Variants in DPYD observed in about 807,000 individuals in gnomAD.
DPYD encodes the protein dihydropyrimidine dehydrogenase [NADP(+)].
In DPYD, 109 loss-of-function variants were observed where a neutral mutation model predicts 116.2. The ratio of observed to expected loss-of-function variants is 0.94; its 90% CI spans 0.80 to 1.10. The LOEUF is 1.10. DPYD is among the 50% of genes least tolerant of loss of function. The probability of loss-of-function intolerance (pLI) is 0.00; values close to 1 mark genes in which losing one functional copy is unlikely to be tolerated. For synonymous variants in DPYD, 440 were observed against 432.0 expected, an observed-to-expected ratio of 1.02 and a Z score of -0.23; for missense variants, 1,302 against 1,254.5, an observed-to-expected ratio of 1.04 and a Z score of -0.57.
At chr1:97,903,502 T>C (rs1234008039) in intron 1 of DPYD, among the ~76,000 whole-genome samples, 1 of 151,888 alleles carries the variant, frequency 6.6e-6, no homozygotes, top group Non-Finnish European at 1.5e-5. Flanking sequence ...GGTCAAAACA[T>C]GTTGGTCTAG....
intron 14 of DPYD, among the ~76,000 whole-genome samples, chr1:97,424,397 T>C (rs1251890516): frequency 6.6e-6 from 1 of 151,894 alleles, no homozygotes; most frequent in Non-Finnish European, 1.5e-5. Flanking sequence ...GTGGTCAGAA[T>C]ACTACTGGGA....
intron 3 of DPYD, among the ~76,000 whole-genome samples, chr1:97,777,221 A>T (rs1269540068): frequency 6.6e-6 from 1 of 152,198 alleles, no homozygotes; most frequent in East Asian, 1.9e-4. Flanking sequence ...CTTTTAAAAA[A>T]TTAATATACT....
chr1:97,388,372 G>T (rs772971236), intron 14 of DPYD, among the ~76,000 whole-genome samples: 1 of 151,982 alleles, frequency 6.6e-6, no homozygotes, highest in African/African-American at 2.4e-5. Flanking sequence ...AAGTTTTAGA[G>T]ACTTCAAAAT....
chr1:97,346,894 G>A (rs941911806), intron 16 of DPYD, among the ~76,000 whole-genome samples: 1 of 151,786 alleles, frequency 6.6e-6, no homozygotes, highest in South Asian at 2.1e-4. Context: ...TATATGTTAA[G>A]TGCTTAGAAC....
intron 14 of DPYD, among the ~76,000 whole-genome samples, chr1:97,385,533 A>C (rs960462390): frequency 1.3e-5 from 2 of 150,106 alleles, no homozygotes; most frequent in Non-Finnish European, 3.0e-5. Context: ...CTTAAAAAAA[A>C]AAAAACAAAA....
intron 20 of DPYD, among the ~76,000 whole-genome samples, chr1:97,151,885 G>T (rs749041534): frequency 2.0e-4 from 30 of 151,990 alleles, no homozygotes; most frequent in Non-Finnish European, 3.7e-4. Context: ...TTCCATAGAA[G>T]AATTTAAAAA....
chr1:97,098,775 T>G, intron 20 of DPYD, 143 bp from the exon 21 acceptor site: 1 of 942,716 alleles, frequency 1.1e-6, no homozygotes, highest in Non-Finnish European at 1.6e-6. Flanking sequence ...CTTCACTCAT[T>G]GTTTTGGACC....
intron 1 of DPYD, among the ~76,000 whole-genome samples, chr1:97,920,590 C>G (rs1258320896): frequency 2.6e-5 from 4 of 152,196 alleles, no homozygotes; most frequent in Non-Finnish European, 4.4e-5. Context: ...TCTTCAGTCA[C>G]TGACATTCAG....
intron 21 of DPYD, among the ~76,000 whole-genome samples, chr1:97,094,131 C>T (rs529367000): frequency 6.6e-6 from 1 of 152,132 alleles, no homozygotes; most frequent in South Asian, 2.1e-4. Flanking sequence ...TTCATTCATT[C>T]CTCAAATTAT....
chr1:97,143,819 T>A (rs1051741685), intron 20 of DPYD, among the ~76,000 whole-genome samples: 3 of 152,164 alleles, frequency 2.0e-5, no homozygotes, highest in Admixed American at 6.6e-5. Flanking sequence ...ATTTCTTATA[T>A]CTCATCTTTC....
At chr1:97,577,325 A>T (rs1374635490) in intron 10 of DPYD, among the ~76,000 whole-genome samples, 1 of 152,196 alleles carries the variant, frequency 6.6e-6, no homozygotes, top group Non-Finnish European at 1.5e-5. Context: ...GAGTAGATGC[A>T]GCCTGCTGGA....
At chr1:97,573,160 T>C (rs1570983044) in intron 11 of DPYD, among the ~76,000 whole-genome samples, 1 of 152,038 alleles carries the variant, frequency 6.6e-6, no homozygotes, top group Admixed American at 6.6e-5. Context: ...CATAAAGTAG[T>C]CTTACTTGAC....
intron 14 of DPYD, among the ~76,000 whole-genome samples, chr1:97,419,693 A>G (rs10875085): frequency 6.6e-6 from 1 of 152,054 alleles, no homozygotes; most frequent in African/African-American, 2.4e-5. Context: ...GATAATATTA[A>G]GCATACAGTT....
intron 14 of DPYD, among the ~76,000 whole-genome samples, chr1:97,445,462 A>G (rs916110085): frequency 2.6e-5 from 4 of 152,178 alleles, no homozygotes; most frequent in Non-Finnish European, 5.9e-5. Flanking sequence ...TATGTAACTT[A>G]AATGTTAAGG....
chr1:97,631,442 T>C (rs935743662), intron 8 of DPYD, among the ~76,000 whole-genome samples: 1 of 152,044 alleles, frequency 6.6e-6, no homozygotes, highest in Non-Finnish European at 1.5e-5. Flanking sequence ...CCCAGGTCAG[T>C]AGGCAACCAA....
intron 19 of DPYD, among the ~76,000 whole-genome samples, chr1:97,213,992 A>G (rs1400881087): frequency 6.6e-6 from 1 of 152,084 alleles, no homozygotes; most frequent in African/African-American, 2.4e-5. Flanking sequence ...GCTTTAGAAG[A>G]TGTTTTGCAT....
At chr1:97,117,820 A>G (rs1652098325) in intron 20 of DPYD, among the ~76,000 whole-genome samples, 1 of 152,182 alleles carries the variant, frequency 6.6e-6, no homozygotes, top group South Asian at 2.1e-4. Flanking sequence ...TTAGCTAGTC[A>G]GATGTGAAAT....
At chr1:97,657,101 G>A (rs1247163075) in intron 8 of DPYD, among the ~76,000 whole-genome samples, 1 of 151,558 alleles carries the variant, frequency 6.6e-6, no homozygotes, top group Non-Finnish European at 1.5e-5. Context: ...CACAGTAGCT[G>A]GGATTACAGG....
chr1:97,633,831 A>G lies in DPYD; in HGVS notation c.851-38665T>C, dbSNP rs182275173. On this transcript the variant is annotated intron_variant, in intron 8 of 22. Transcript: ENST00000370192. ...AAGTGGCTAGACAATATATGGGGGAATTAATGGAATAGTCGGGTTATATTA... is the reference window on the plus strand; with the variant it reads ...AAGTGGCTAGACAATATATGGGGGAGTTAATGGAATAGTCGGGTTATATTA... 1.1e-4 allele frequency among the ~76,000 whole-genome samples: 16 copies of G among 152,222 alleles called. No homozygotes were observed. The East Asian group carries it at 3.1e-3, about 29-fold the overall frequency.
Sources: allele counts gnomAD v4.1 joint callset (sites outside exome capture counted in the v4.1 genomes callset), GRCh38; gene constraint gnomAD v4.1.1; transcripts MANE v1.5; gene names NCBI Gene and HGNC (gene_info 2026-07-23, HGNC 2026-07-21).